The following RPH3A variants were observed in gnomAD, a reference collection of about 807,000 sequenced individuals.
RPH3A encodes the protein rabphilin 3A.
Under a neutral mutation model 102.2 loss-of-function variants are expected in RPH3A, and 48 were observed. That is an observed-to-expected ratio of 0.47 (90% CI 0.37 to 0.60). The LOEUF (loss-of-function observed/expected upper bound fraction) is 0.60. Ranked by LOEUF, RPH3A falls within the 20% of genes least tolerant of loss-of-function variation. RPH3A has a pLI of 0.00. For synonymous variants in RPH3A, 310 were observed against 324.3 expected (o/e 0.96, Z 0.47); for missense variants, 781 against 910.1 (o/e 0.86, Z 1.83).
chr12:112,868,564 G>A lies in RPH3A; in HGVS notation c.579G>A (p.Glu193=). Residue 193 remains glutamate (E), a synonymous_variant, in exon 8 of 22, where the codon GAG becomes GAA. Transcript: ENST00000389385. ...CTGCCCCTGAACAGCCTGCTCCTGA[G>A]CCCAAGCACCCTGCCCGGGCTCCAG... ...EPAAPEQPAP[E]PKHPARAPAR... 6.2e-7 allele frequency: 1 copy of A among 1,614,158 alleles called. No homozygotes were observed. Among genetic ancestry groups the A allele is most frequent in the Non-Finnish European group, 8.5e-7 (1 of 1,180,012 alleles).
chr12:112,864,016 G>A (rs1236787818), intron 5 of RPH3A, among the ~76,000 whole-genome samples: 1 of 152,214 alleles, frequency 6.6e-6, no homozygotes, highest in African/African-American at 2.4e-5. Flanking sequence ...ACCAGAGATT[G>A]TTTCACAATC....
chr12:112,739,012 A>T (rs2040688626), intron 1 of RPH3A, among the ~76,000 whole-genome samples: 1 of 152,182 alleles, frequency 6.6e-6, no homozygotes, highest in African/African-American at 2.4e-5. Context: ...ACTTTGCAGG[A>T]TCTCCAGGTA....
rs529326602 is a variant in RPH3A, at chr12:112,785,820, T to C, written c.-139-6323T>C. On this transcript the variant is annotated intron_variant, in intron 1 of 21. Transcript: ENST00000543106. ...GCCTCTTAACAATTTCATTATGCCGTCTCTGCTGTTGCTGTCCTTTTCCTC... is the reference window on the plus strand; with the variant it reads ...GCCTCTTAACAATTTCATTATGCCGCCTCTGCTGTTGCTGTCCTTTTCCTC... Among the ~76,000 whole-genome samples the C allele has an allele frequency of 2.0e-5, 3 of 152,316 alleles. No homozygotes were observed. The East Asian group carries it at 5.8e-4, about 29-fold the overall frequency.
chr12:112,765,872 G>A (rs1444786545), intron 1 of RPH3A, among the ~76,000 whole-genome samples: 2 of 152,138 alleles, frequency 1.3e-5, no homozygotes, highest in African/African-American at 2.4e-5. Flanking sequence ...TAAAAATAGA[G>A]GTTGTTGCAG....
intron 1 of RPH3A, among the ~76,000 whole-genome samples, chr12:112,677,415 CTCCTTCCTTCCTTCCTTCCT>C (rs879603208): frequency 5.4e-4 from 18 of 33,270 alleles, no homozygotes; most frequent in Admixed American, 7.0e-4. Context: ...CCCTCCTTCC[CTCCTTCCTTCCTTCCTTCCT>C]TCCTTCCTTC....
chr12:112,767,561 A>G (rs971015828), intron 1 of RPH3A, among the ~76,000 whole-genome samples: 13 of 152,184 alleles, frequency 8.5e-5, no homozygotes, highest in Non-Finnish European at 1.8e-4. Flanking sequence ...TGATGCCACT[A>G]TTCAATAAGG....
intron 1 of RPH3A, among the ~76,000 whole-genome samples, chr12:112,680,975 G>T (rs942529522): frequency 6.7e-6 from 1 of 148,742 alleles, no homozygotes; most frequent in Admixed American, 6.7e-5. Context: ...TCTTCTTCTC[G>T]CATTGCTCCC....
At chr12:112,819,848 G>A (rs1345683638) in intron 2 of RPH3A, among the ~76,000 whole-genome samples, 2 of 152,212 alleles carry the variant, frequency 1.3e-5, no homozygotes, top group South Asian at 2.1e-4. Flanking sequence ...GGTGATTGCA[G>A]GGTTGCTAAA....
At chr12:112,661,463 C>G (rs2040048194) in intron 1 of RPH3A, among the ~76,000 whole-genome samples, 1 of 152,162 alleles carries the variant, frequency 6.6e-6, no homozygotes, top group African/African-American at 2.4e-5. Context: ...TGTAGAGGAC[C>G]TAGCAGATAA....
chr12:112,774,307 G>A (rs929455626), intron 1 of RPH3A, among the ~76,000 whole-genome samples: 1 of 152,176 alleles, frequency 6.6e-6, no homozygotes, highest in African/African-American at 2.4e-5. Flanking sequence ...AGGCATCAAA[G>A]TTAAGTTTCC....
At chr12:112,694,614 A>G (rs111788255) in intron 1 of RPH3A, among the ~76,000 whole-genome samples, 25,838 of 151,412 alleles carry the variant, frequency 0.17, 2,465 homozygotes, top group Admixed American at 0.24. Context: ...ACAGACAGAG[A>G]GAGACAAAGA....
chr12:112,810,943 T>C (rs1209370726), intron 2 of RPH3A, among the ~76,000 whole-genome samples: 2 of 149,608 alleles, frequency 1.3e-5, no homozygotes, highest in South Asian at 2.2e-4. Context: ...TTATATATAA[T>C]ACATATTTTT....
intron 1 of RPH3A, among the ~76,000 whole-genome samples, chr12:112,662,576 GGCCAGTTA>G (rs2040055909): frequency 6.6e-6 from 1 of 152,060 alleles, no homozygotes; most frequent in Non-Finnish European, 1.5e-5. Context: ...TCTTGGAAGG[GGCCAGTTA>G]GCAATTATTT....
At chr12:112,738,631 G>C (rs541955878) in intron 1 of RPH3A, among the ~76,000 whole-genome samples, 6 of 152,232 alleles carry the variant, frequency 3.9e-5, no homozygotes, top group African/African-American at 1.4e-4. Context: ...GAAGGTGAGT[G>C]GTGGTGTTTT....
chr12:112,739,274 T>G (rs1485044757), intron 1 of RPH3A, among the ~76,000 whole-genome samples: 1 of 152,236 alleles, frequency 6.6e-6, no homozygotes, highest in Non-Finnish European at 1.5e-5. Context: ...AGGTCTATTT[T>G]TTTTGAACAC....
At chr12:112,889,562 A>G (rs2043057644) in intron 17 of RPH3A, among the ~76,000 whole-genome samples, 2 of 152,170 alleles carry the variant, frequency 1.3e-5, no homozygotes, top group East Asian at 1.9e-4. Flanking sequence ...GATTTAACCA[A>G]TGGTTTTCTA....
intron 1 of RPH3A, among the ~76,000 whole-genome samples, chr12:112,782,180 T>C (rs1245828860): frequency 2.0e-5 from 3 of 152,252 alleles, no homozygotes; most frequent in Non-Finnish European, 4.4e-5. Context: ...CTTAAGAGCA[T>C]GGGCTCTGAC....
intron 20 of RPH3A, 124 bp downstream of exon 20, chr12:112,894,783 G>T: frequency 2.5e-6 from 2 of 806,834 alleles, no homozygotes; most frequent in Non-Finnish European, 3.9e-6. Context: ...TTGAAATGAT[G>T]ATGTAGAAAA....
intron 1 of RPH3A, among the ~76,000 whole-genome samples, chr12:112,702,296 G>T (rs2040399741): frequency 6.6e-6 from 1 of 152,154 alleles, no homozygotes; most frequent in Admixed American, 6.5e-5. Flanking sequence ...CCTATGTCAA[G>T]GCTGAAGAAA....
Sources: gnomAD v4.1 joint callset for allele counts (sites outside exome capture counted in the v4.1 genomes callset) on GRCh38, gnomAD v4.1.1 for gene constraint, MANE v1.5 for transcripts, NCBI Gene and HGNC (gene_info 2026-07-23, HGNC 2026-07-21) for gene names.